The following NBAS variants were observed in gnomAD, a reference collection of about 807,000 sequenced individuals.
NBAS encodes the protein NBAS subunit of NRZ tethering complex, also known as NAG/BC035112 fusion.
A neutral mutation model predicts 302.5 loss-of-function variants in NBAS; 219 were observed. That is an observed-to-expected ratio of 0.72 (90% CI 0.65 to 0.81). The LOEUF is 0.81. NBAS is among the 30% of genes least tolerant of loss of function. The pLI, the probability that NBAS is intolerant of heterozygous loss-of-function variation, is 0.00. For missense variants in NBAS, 2,932 were observed against 2,841.6 expected (o/e 1.03, Z -0.72); for synonymous variants, 1,118 against 1,021.6 (o/e 1.09, Z -1.80).
chr2:15,278,723 A>G (rs1429624469), intron 42 of NBAS, among the ~76,000 whole-genome samples: 2 of 152,214 alleles, frequency 1.3e-5, no homozygotes, highest in Non-Finnish European at 2.9e-5. Context: ...TTACAGTTAA[A>G]TAATGATGCA....
At chr2:14,893,381 T>A in the NBAS span, among the ~76,000 whole-genome samples, 8 of 152,338 alleles carry the variant, frequency 5.3e-5, no homozygotes, top group South Asian at 2.1e-4. Flanking sequence ...TTTAATATTT[T>A]CTTCTTCCTA....
At chr2:15,206,713 C>T (rs1380518578) in intron 48 of NBAS, among the ~76,000 whole-genome samples, 1 of 152,222 alleles carries the variant, frequency 6.6e-6, no homozygotes, top group African/African-American at 2.4e-5. Context: ...ACACAGAGCT[C>T]AGGCCATTGC....
At chr2:15,285,673 GAC>G (rs1670008223) in intron 42 of NBAS, among the ~76,000 whole-genome samples, 3 of 151,958 alleles carry the variant, frequency 2.0e-5, no homozygotes, top group South Asian at 4.2e-4. Context: ...CTTTTTTTGA[GAC>G]AGAGTCTCGC....
intron 25 of NBAS, among the ~76,000 whole-genome samples, chr2:15,408,643 G>C (rs1050075326): frequency 6.6e-6 from 1 of 152,086 alleles, no homozygotes; most frequent in African/African-American, 2.4e-5. Context: ...GTGTCTCTAA[G>C]TAAAATATCC....
the NBAS span, among the ~76,000 whole-genome samples, chr2:14,821,682 C>T: frequency 6.6e-6 from 1 of 151,958 alleles, no homozygotes; most frequent in South Asian, 2.1e-4. Flanking sequence ...TGGTAGGACT[C>T]CAGCAAAAAA....
chr2:15,111,947 A>G, the NBAS span, among the ~76,000 whole-genome samples: 1 of 147,824 alleles, frequency 6.8e-6, no homozygotes, highest in Non-Finnish European at 1.5e-5. Flanking sequence ...CTAAAATAAT[A>G]TATAATATAT....
intron 21 of NBAS, among the ~76,000 whole-genome samples, chr2:15,434,095 A>AGCC (rs1402110371): frequency 1.3e-5 from 2 of 152,156 alleles, no homozygotes. Flanking sequence ...ACTGCATTCC[A>AGCC]GCCTGGATGA....
In NBAS at chr2:15,356,364, C is replaced by A. The variant is rs745310356; in HGVS notation, c.3870G>T (p.Gln1290His). 1 of 1,613,916 alleles carries A rather than the reference C, an allele frequency of 6.2e-7. No individual in the cohort carries two copies. The highest frequency in any genetic ancestry group is 8.5e-7 in the Non-Finnish European group (1 of 1,179,846). Residue 1290 changes from glutamine (Q) to histidine (H), a missense_variant, in exon 33 of 52, where the codon CAG becomes CAT. Gln to His is a conservative substitution (Grantham distance 24). Transcript: ENST00000281513. Reference protein sequence around the residue: ...RGQVLILLVEQALRFHDYKAA... With the variant: ...RGQVLILLVEHALRFHDYKAA... Reference sequence around the variant, plus strand: ...CTTTGTAGTCATGGAAGCGAAGTGCCTGCTCCACTAAAAGGATTAGAACCT... The same window carrying A: ...CTTTGTAGTCATGGAAGCGAAGTGCATGCTCCACTAAAAGGATTAGAACCT...
intron 35 of NBAS, among the ~76,000 whole-genome samples, chr2:15,342,663 T>C (rs73197069): frequency 0.013 from 1,908 of 152,062 alleles, 36 homozygotes; most frequent in African/African-American, 0.043. Flanking sequence ...AAGAGAGAAC[T>C]TTGTCTTTCA....
At chr2:15,353,501 C>G in intron 34 of NBAS, 52 bp downstream of exon 34, 1 of 1,606,800 alleles carries the variant, frequency 6.2e-7, no homozygotes, top group Admixed American at 1.7e-5. Flanking sequence ...ATACACACAC[C>G]CAACAACATG....
intron 48 of NBAS, among the ~76,000 whole-genome samples, chr2:15,203,722 C>T (rs1004990754): frequency 2.6e-5 from 4 of 152,030 alleles, no homozygotes; most frequent in African/African-American, 9.7e-5. Flanking sequence ...ATCTCATATT[C>T]CATGTTAATA....
In NBAS at chr2:15,459,759, G is replaced by A. The variant is rs565250145; in HGVS notation, c.2339+1442C>T. On this transcript the variant is annotated intron_variant, in intron 21 of 51. Transcript: ENST00000281513. ...CTCCCAAAGTGCTGGGATTACAGGC[G>A]TGAGCCACCGCACCTGGCCCTTTTT... Among the ~76,000 whole-genome samples the A allele has an allele frequency of 1.6e-4, 25 of 152,196 alleles. No individual in the cohort carries two copies. In the East Asian group the frequency reaches 2.5e-3, roughly 15 times the overall value.
chr2:14,914,689 CACAG>C, the NBAS span, among the ~76,000 whole-genome samples: 1 of 152,240 alleles, frequency 6.6e-6, no homozygotes, highest in Admixed American at 6.5e-5. Context: ...TACTAAAAGA[CACAG>C]ACAGTGAATG....
chr2:15,186,669 G>A, intron 50 of NBAS, 73 bp downstream of exon 50: 1 of 1,601,316 alleles, frequency 6.2e-7, no homozygotes. Context: ...TCCAGTCTCT[G>A]GGATTGCTTA....
chr2:15,351,004 T>C (rs1327428444), intron 35 of NBAS, among the ~76,000 whole-genome samples: 1 of 152,228 alleles, frequency 6.6e-6, no homozygotes, highest in Non-Finnish European at 1.5e-5. Flanking sequence ...CTGAGAGAAC[T>C]GTTTGCCCAT....
At chr2:14,956,354 T>TCC in the NBAS span, among the ~76,000 whole-genome samples, 5 of 152,258 alleles carry the variant, frequency 3.3e-5, no homozygotes, top group Admixed American at 2.0e-4. Context: ...TTCCAAACTT[T>TCC]CCCATATTTT....
chr2:14,896,456 C>T, the NBAS span, among the ~76,000 whole-genome samples: 2 of 152,194 alleles, frequency 1.3e-5, no homozygotes, highest in African/African-American at 4.8e-5. Flanking sequence ...CCTACGCCCC[C>T]ACACTGAACA....
rs1664665423 is a variant in NBAS, at chr2:15,556,785, G to A, written c.207C>T (p.Tyr69=). Residue 69 remains tyrosine, a splice_region_variant and synonymous_variant, in exon 3 of 52, where the codon TAC becomes TAT. Coordinates refer to ENST00000281513, the MANE Select transcript of NBAS (RefSeq NM_015909.4). ...TCTCTGAAGAACCGAAGACTCACCT[G>A]TACCAGATGTATTGGCGTAAAAATA... The part of the protein sequence containing the change: ...RLLFLRQYIW[Y]SPAPFLLPDG... 3.1e-6 allele frequency: 5 copies of A among 1,609,670 alleles called. No homozygotes were observed. Among genetic ancestry groups the A allele is most frequent in the Non-Finnish European group, 4.3e-6 (5 of 1,176,320 alleles).
At chr2:15,500,193 T>C (rs12692271) in intron 11 of NBAS, among the ~76,000 whole-genome samples, 94,957 of 151,968 alleles carry the variant, frequency 0.62, 30,416 homozygotes, top group Non-Finnish European at 0.68. Context: ...AGTGATTTAC[T>C]ATTTCCTGTA....
Sources: gnomAD v4.1 joint callset for allele counts (sites outside exome capture counted in the v4.1 genomes callset) on GRCh38, gnomAD v4.1.1 for gene constraint, MANE v1.5 for transcripts, NCBI Gene and HGNC (gene_info 2026-07-23, HGNC 2026-07-21) for gene names.